The following SCLT1 variants were observed in gnomAD, a reference collection of about 807,000 sequenced individuals.
SCLT1 encodes the protein sodium channel-associated protein 1.
A neutral mutation model predicts 112.8 loss-of-function variants in SCLT1; 78 were observed. The ratio of observed to expected loss-of-function variants is 0.69; its 90% confidence interval spans 0.58 to 0.83. SCLT1 has a LOEUF of 0.83. Ranked by LOEUF, SCLT1 falls within the 40% of genes least tolerant of loss-of-function variation. The pLI, the probability that SCLT1 is intolerant of heterozygous loss-of-function variation, is 0.00. For synonymous variants in SCLT1, 257 were observed against 254.7 expected, an observed-to-expected ratio of 1.01 and a Z score of -0.09; for missense variants, 747 against 770.4, an observed-to-expected ratio of 0.97 and a Z score of 0.36.
intron 11 of SCLT1, among the ~76,000 whole-genome samples, chr4:128,963,361 G>C (rs6830023): frequency 2.6e-5 from 4 of 151,924 alleles, no homozygotes; most frequent in Non-Finnish European, 5.9e-5. Context: ...ACTTTTCTCT[G>C]TCATCTACGG....
chr4:129,084,642 C>A (rs1752241013), intron 1 of SCLT1, among the ~76,000 whole-genome samples: 8 of 152,078 alleles, frequency 5.3e-5, no homozygotes, highest in Admixed American at 5.2e-4. Flanking sequence ...CCACAGTAAC[C>A]AAAACAGCAT....
At chr4:128,983,357 T>C (rs542045122) in intron 9 of SCLT1, among the ~76,000 whole-genome samples, 24 of 152,256 alleles carry the variant, frequency 1.6e-4, no homozygotes, top group African/African-American at 5.5e-4. Context: ...ATATATATTA[T>C]AAATAAATGT....
chr4:128,928,144 C>G (rs933113781), intron 18 of SCLT1, among the ~76,000 whole-genome samples: 28 of 151,782 alleles, frequency 1.8e-4, no homozygotes, highest in Non-Finnish European at 8.8e-5. Context: ...ACAACAAAAA[C>G]AACAACAAAA....
At chr4:128,909,416 CT>C (rs1046513803) in intron 18 of SCLT1, among the ~76,000 whole-genome samples, 1 of 151,958 alleles carries the variant, frequency 6.6e-6, no homozygotes, top group African/African-American at 2.4e-5. Context: ...GCCCAGAAAA[CT>C]TTCATAATTT....
At chr4:129,015,869 T>A (rs1486437581) in intron 5 of SCLT1, among the ~76,000 whole-genome samples, 1 of 152,136 alleles carries the variant, frequency 6.6e-6, no homozygotes, top group East Asian at 1.9e-4. Context: ...TGAGAATCTG[T>A]TAGGAGTACG....
intron 5 of SCLT1, among the ~76,000 whole-genome samples, chr4:129,033,502 TAAAAAAAAAAAAA>T (rs56325033): frequency 4.5e-5 from 2 of 44,298 alleles, no homozygotes; most frequent in Non-Finnish European, 8.3e-5. Flanking sequence ...GAACTTAAAG[TAAAAAAAAAAAAA>T]AAAAAAAAAA....
chr4:129,059,831 C>A, intron 2 of SCLT1, among the ~76,000 whole-genome samples: 1 of 152,080 alleles, frequency 6.6e-6, no homozygotes, highest in Non-Finnish European at 1.5e-5. Context: ...CAGAAAAGAC[C>A]TGTTTGGGTT....
intron 10 of SCLT1, among the ~76,000 whole-genome samples, chr4:128,965,567 A>G (rs1740106907): frequency 6.6e-6 from 1 of 152,216 alleles, no homozygotes; most frequent in Non-Finnish European, 1.5e-5. Flanking sequence ...ATTTCTACCA[A>G]TATTTCAAAC....
At chr4:128,984,343 G>A (rs1433945217) in intron 9 of SCLT1, among the ~76,000 whole-genome samples, 1 of 152,036 alleles carries the variant, frequency 6.6e-6, no homozygotes, top group South Asian at 2.1e-4. Context: ...AAGCTCACTA[G>A]ATTAGCAGTT....
chr4:129,002,334 C>T (rs1743570564), intron 6 of SCLT1, among the ~76,000 whole-genome samples: 1 of 151,394 alleles, frequency 6.6e-6, no homozygotes. Context: ...ATAAAATTCA[C>T]AAAAAATTAG....
intron 9 of SCLT1, among the ~76,000 whole-genome samples, chr4:128,980,546 T>C (rs1560922458): frequency 6.6e-6 from 1 of 152,132 alleles, no homozygotes; most frequent in Non-Finnish European, 1.5e-5. Flanking sequence ...CACTTATATA[T>C]AAGTAATTTT....
chr4:129,036,644 T>G (rs1747205617), intron 5 of SCLT1: 1 of 151,934 alleles, frequency 6.6e-6, no homozygotes, highest in Non-Finnish European at 1.5e-5. Flanking sequence ...ACTGACAGCT[T>G]AAATATATGA....
At chr4:129,028,015 T>G (rs1035625438) in intron 5 of SCLT1, among the ~76,000 whole-genome samples, 6 of 152,056 alleles carry the variant, frequency 3.9e-5, no homozygotes, top group South Asian at 2.1e-4. Context: ...CACTGCTCAA[T>G]GAAATAAAAG....
chr4:128,989,804 A>T (rs1311800859), intron 9 of SCLT1, among the ~76,000 whole-genome samples: 1 of 149,838 alleles, frequency 6.7e-6, no homozygotes, highest in African/African-American at 2.5e-5. Context: ...AAAATATCAT[A>T]AGAAACTATT....
chr4:128,896,339 G>T lies in SCLT1; in HGVS notation c.1830-5202C>A, dbSNP rs1390746622. Among the ~76,000 whole-genome samples the T allele has an allele frequency of 2.6e-5, 4 of 152,096 alleles. No homozygotes were observed. In the East Asian group the frequency reaches 7.7e-4, roughly 29 times the overall value. On this transcript the variant is annotated intron_variant, in intron 18 of 20. Coordinates refer to ENST00000281142, the MANE Select transcript of SCLT1 (RefSeq NM_144643.4). ...TCTGAGACAAAATTTCCAGAGGAAC[G>T]AACAGGCAGCAACATTTGCTGTTCA...
intron 5 of SCLT1, among the ~76,000 whole-genome samples, chr4:129,033,052 T>A (rs575623318): frequency 6.6e-6 from 1 of 152,306 alleles, no homozygotes; most frequent in Non-Finnish European, 1.5e-5. Context: ...ACTGAAGCAC[T>A]ATTTACAATA....
intron 15 of SCLT1, among the ~76,000 whole-genome samples, chr4:128,947,752 G>T (rs867880429): frequency 2.6e-5 from 4 of 152,088 alleles, no homozygotes; most frequent in Non-Finnish European, 5.9e-5. Context: ...TCTCCCTATA[G>T]TTTTTCTGAA....
rs150110604 is a variant in SCLT1 at position 129,068,939 on chromosome 4, T to C, written c.102+13367A>G. On this transcript the variant is annotated intron_variant, in intron 2 of 20. Transcript: ENST00000281142. ...ATTTAAGTCCTTAATCCATCTTGAG[T>C]TGATTTTTGTTTAAGGTGGGAGATG... Among the ~76,000 whole-genome samples the C allele has an allele frequency of 2.8e-3, 429 of 152,266 alleles. 2 individuals carry two copies. Among genetic ancestry groups the C allele is most frequent in the African/African-American group, 9.9e-3 (411 of 41,564 alleles).
intron 2 of SCLT1, among the ~76,000 whole-genome samples, chr4:129,072,989 G>A (rs1190299486): frequency 6.6e-6 from 1 of 151,960 alleles, no homozygotes; most frequent in Non-Finnish European, 1.5e-5. Context: ...TTGTCCCTTG[G>A]GGTGTTCCCT....
Sources: allele counts gnomAD v4.1 joint callset (sites outside exome capture counted in the v4.1 genomes callset), GRCh38; gene constraint gnomAD v4.1.1; transcripts MANE v1.5; gene names NCBI Gene and HGNC (gene_info 2026-07-23, HGNC 2026-07-21).